The following C19orf47 variants were observed in gnomAD, a reference collection of about 807,000 sequenced individuals.
The protein encoded by C19orf47 is uncharacterized protein C19orf47.
In C19orf47, 18 loss-of-function variants were observed where a neutral mutation model predicts 32.3. The ratio of observed to expected loss-of-function variants is 0.56; its 90% CI spans 0.39 to 0.83. The LOEUF is 0.83. C19orf47 is among the 40% of genes least tolerant of loss of function. The pLI, the probability that C19orf47 is intolerant of heterozygous loss-of-function variation, is 0.00. For synonymous variants in C19orf47, 202 were observed against 211.1 expected (o/e 0.96, Z 0.37); for missense variants, 484 against 531.6 (o/e 0.91, Z 0.88).
chr19:40,347,385 A>G (rs1298664320), intron 1 of C19orf47, among the ~76,000 whole-genome samples: 1 of 152,040 alleles, frequency 6.6e-6, no homozygotes, highest in Non-Finnish European at 1.5e-5. Context: ...AAAAAAAATT[A>G]GCCGGGCGTG....
intron 6 of C19orf47, among the ~76,000 whole-genome samples, chr19:40,328,131 G>A (rs1265342537): frequency 6.6e-6 from 1 of 152,074 alleles, no homozygotes; most frequent in Admixed American, 6.5e-5. Context: ...GTGAACCCCT[G>A]AGTGAGAAGG....
At chr19:40,341,786 C>T (rs2078182732) in intron 2 of C19orf47, 53 bp downstream of exon 2, 1 of 1,535,530 alleles carries the variant, frequency 6.5e-7, no homozygotes, top group South Asian at 1.2e-5. Flanking sequence ...AAGGCCATAC[C>T]TCAAAAAGGG....
chr19:40,333,618 C>T (rs2078000178), intron 5 of C19orf47, among the ~76,000 whole-genome samples: 1 of 152,176 alleles, frequency 6.6e-6, no homozygotes, highest in African/African-American at 2.4e-5. Flanking sequence ...TAAGAATTCA[C>T]TAAGTGTACA....
At chr19:40,309,047 G>A in the C19orf47 span, among the ~76,000 whole-genome samples, 1 of 152,164 alleles carries the variant, frequency 6.6e-6, no homozygotes, top group Non-Finnish European at 1.5e-5. Context: ...AGGCAGCACA[G>A]TGAGACCACG....
At chr19:40,303,118 C>T in the C19orf47 span, among the ~76,000 whole-genome samples, 1 of 151,856 alleles carries the variant, frequency 6.6e-6, no homozygotes, top group Non-Finnish European at 1.5e-5. Context: ...ATCCCAGCTA[C>T]TTGGGAGTCT....
the C19orf47 span, among the ~76,000 whole-genome samples, chr19:40,294,354 A>G: frequency 6.6e-6 from 1 of 152,120 alleles, no homozygotes; most frequent in Middle Eastern, 3.4e-3. Context: ...TCCCTTTTCT[A>G]AGTTTGGATT....
chr19:40,324,182 G>A (rs1045757526), intron 7 of C19orf47, 106 bp from the exon 8 acceptor site: 6 of 1,091,054 alleles, frequency 5.5e-6, no homozygotes, highest in Non-Finnish European at 8.5e-6. Flanking sequence ...TCTGGGACAG[G>A]CAGGGCCAGA....
intron 4 of C19orf47, among the ~76,000 whole-genome samples, chr19:40,334,462 A>G (rs1333534154): frequency 1.3e-5 from 2 of 151,688 alleles, no homozygotes; most frequent in East Asian, 3.9e-4. Flanking sequence ...AATAGGTGAA[A>G]GATGGCCAGG....
At chr19:40,331,135 T>C (rs1489450616) in intron 5 of C19orf47, among the ~76,000 whole-genome samples, 1 of 152,226 alleles carries the variant, frequency 6.6e-6, no homozygotes, top group Admixed American at 6.5e-5. Context: ...CTACCCACAA[T>C]GACTGTGGAC....
chr19:40,307,320 CTT>C, the C19orf47 span, among the ~76,000 whole-genome samples: 1 of 152,022 alleles, frequency 6.6e-6, no homozygotes, highest in Non-Finnish European at 1.5e-5. Flanking sequence ...GTCTCGAACT[CTT>C]GTTTTGAAGT....
intron 2 of C19orf47, among the ~76,000 whole-genome samples, chr19:40,338,068 A>G (rs1341582822): frequency 6.6e-6 from 1 of 151,862 alleles, no homozygotes; most frequent in African/African-American, 2.4e-5. Context: ...GTGACTGTTA[A>G]TGGGTATGGG....
chr19:40,322,348 GC>G lies in C19orf47; in HGVS notation c.691del (p.Ala231ProfsTer28). 2 of 1,595,138 alleles carry G rather than the reference GC, an allele frequency of 1.3e-6. No individual in the cohort carries two copies. The highest frequency in any genetic ancestry group is 8.6e-7 in the Non-Finnish European group (1 of 1,168,436). ...CAGATCCTCGTCCGTTTCTGGGGTG[GC>G]CCCCAGGCGGCTGAAGACTCCTGTG... ...KPTGVFSRLG[A>X]TPETDEDLAW... On this transcript the variant is annotated frameshift_variant, in exon 9 of 9. Transcript: ENST00000683109. LOFTEE classifies it high-confidence loss of function.
At chr19:40,311,438 A>C in the C19orf47 span, among the ~76,000 whole-genome samples, 1 of 151,740 alleles carries the variant, frequency 6.6e-6, no homozygotes. Context: ...GATACTCAGG[A>C]GGCTGAGGTG....
chr19:40,323,408 T>C (rs2077762287), intron 8 of C19orf47, among the ~76,000 whole-genome samples: 1 of 152,186 alleles, frequency 6.6e-6, no homozygotes, highest in South Asian at 2.1e-4. Context: ...CCTGTGGGCT[T>C]CAGGGTGTAC....
intron 8 of C19orf47, among the ~76,000 whole-genome samples, chr19:40,322,921 G>A (rs549402839): frequency 1.8e-3 from 270 of 152,322 alleles, no homozygotes; most frequent in African/African-American, 5.8e-3. Flanking sequence ...CATTCTAGAC[G>A]GAGAAGGACA....
chr19:40,338,264 T>TACACACACACAC (rs770769948), intron 2 of C19orf47, among the ~76,000 whole-genome samples: 2 of 77,622 alleles, frequency 2.6e-5, no homozygotes, highest in African/African-American at 7.5e-5. Context: ...TATACATATA[T>TACACACACACAC]ATACACACAC....
At chr19:40,313,947 T>C in the C19orf47 span, among the ~76,000 whole-genome samples, 2 of 149,024 alleles carry the variant, frequency 1.3e-5, no homozygotes, top group Non-Finnish European at 3.0e-5. Context: ...AAAAAAGGTA[T>C]AGAAAAAAAG....
At chr19:40,341,308 T>G (rs2078173062) in intron 2 of C19orf47, among the ~76,000 whole-genome samples, 1 of 152,002 alleles carries the variant, frequency 6.6e-6, no homozygotes, top group African/African-American at 2.4e-5. Flanking sequence ...CACTCCAGCC[T>G]GGGCAACAAG....
At chr19:40,324,609 CT>C (rs1176257094) in intron 7 of C19orf47, 1 of 155,712 alleles carries the variant, frequency 6.4e-6, no homozygotes, top group East Asian at 1.9e-4. Context: ...CCTGTAATCC[CT>C]TTGGGAGGCT....
Sources: gnomAD v4.1 joint callset for allele counts (sites outside exome capture counted in the v4.1 genomes callset) on GRCh38, gnomAD v4.1.1 for gene constraint, MANE v1.5 for transcripts, NCBI Gene and HGNC (gene_info 2026-07-23, HGNC 2026-07-21) for gene names.